The following CSNK1A1 variants were observed in gnomAD, a reference collection of about 807,000 sequenced individuals.
CSNK1A1 encodes the protein casein kinase I isoform alpha.
A neutral mutation model predicts 46.1 loss-of-function variants in CSNK1A1; 7 were observed. The observed-to-expected ratio is 0.15, with a 90% CI of 0.09 to 0.29. The LOEUF is 0.29. Ranked by LOEUF, CSNK1A1 falls within the 10% of genes least tolerant of loss-of-function variation. The probability of loss-of-function intolerance (pLI) is 1.00; values close to 1 mark genes in which losing one functional copy is unlikely to be tolerated. For missense variants in CSNK1A1, 96 were observed against 417.1 expected, an observed-to-expected ratio of 0.23 and a Z score of 6.71; for synonymous variants, 137 against 141.5, an observed-to-expected ratio of 0.97 and a Z score of 0.23.
chr5:149,522,981 A>T (rs2113121470), intron 3 of CSNK1A1, among the ~76,000 whole-genome samples: 1 of 152,302 alleles, frequency 6.6e-6, no homozygotes, highest in African/African-American at 2.4e-5. Flanking sequence ...GAACAAACAA[A>T]AACATAAGCC....
intron 2 of CSNK1A1, among the ~76,000 whole-genome samples, chr5:149,548,502 G>A (rs766858997): frequency 6.6e-6 from 1 of 152,106 alleles, no homozygotes; most frequent in South Asian, 2.1e-4. Context: ...GGGAGGCGGA[G>A]GCTGCAGTTA....
chr5:149,503,060 C>T (rs568403065), intron 9 of CSNK1A1: 78 of 985,288 alleles, frequency 7.9e-5, no homozygotes, highest in Admixed American at 1.2e-4. Flanking sequence ...GCCACTGCAC[C>T]CAGCTGAGTT....
chr5:149,500,135 AT>A (rs1193702653), intron 9 of CSNK1A1, among the ~76,000 whole-genome samples: 2,920 of 106,310 alleles, frequency 0.027, 96 homozygotes, highest in African/African-American at 0.084. Context: ...CGCCCAGCTA[AT>A]TTTTTTTTTT....
chr5:149,542,659 TATATATATATATGTATATATATATATA>T (rs1762327716), intron 2 of CSNK1A1, among the ~76,000 whole-genome samples: 1 of 18,552 alleles, frequency 5.4e-5, no homozygotes, highest in South Asian at 2.2e-3. Context: ...TATATATATA[TATATATATATATGTATATATATATATA>T]TATATATTTT....
intron 4 of CSNK1A1, 41 bp downstream of exon 4, chr5:149,520,249 C>CT (rs766661150): frequency 1.6e-6 from 2 of 1,285,470 alleles, no homozygotes; most frequent in Admixed American, 2.0e-5. Flanking sequence ...CTTGTCGAAA[C>CT]TTTACTCTTT....
intron 7 of CSNK1A1, among the ~76,000 whole-genome samples, chr5:149,508,088 A>G (rs1005674501): frequency 6.6e-6 from 1 of 152,204 alleles, no homozygotes; most frequent in South Asian, 2.1e-4. Context: ...GGAGAGTGGT[A>G]AAGTTAAAGG....
chr5:149,500,216 C>T (rs1454543726), intron 9 of CSNK1A1, among the ~76,000 whole-genome samples: 1 of 150,822 alleles, frequency 6.6e-6, no homozygotes, highest in African/African-American at 2.4e-5. Flanking sequence ...TGGCTCACTG[C>T]AAGCTCCGCC....
intron 9 of CSNK1A1, chr5:149,497,516 A>G (rs1760690609): frequency 1.0e-6 from 1 of 985,380 alleles, no homozygotes; most frequent in African/African-American, 1.7e-5. Context: ...TCCCTCCTCC[A>G]CCACAAGTAG....
intron 3 of CSNK1A1, among the ~76,000 whole-genome samples, chr5:149,524,125 A>G (rs1312345462): frequency 6.6e-6 from 1 of 152,228 alleles, no homozygotes; most frequent in Admixed American, 6.5e-5. Flanking sequence ...AAGTGATAAA[A>G]CAAATAACCT....
intron 8 of CSNK1A1, 66 bp from the exon 9 acceptor site, chr5:149,505,661 CT>C: frequency 1.5e-6 from 2 of 1,327,828 alleles, no homozygotes; most frequent in African/African-American, 1.5e-5. Flanking sequence ...AACCTACTAA[CT>C]TTTTAAGACA....
At chr5:149,511,995 C>A in intron 5 of CSNK1A1, 123 bp from the exon 6 acceptor site, 2 of 670,184 alleles carry the variant, frequency 3.0e-6, no homozygotes, top group African/African-American at 1.9e-5. Context: ...GTGTCTTACG[C>A]AAGAAGCTAC....
chr5:149,551,175 T>A lies in CSNK1A1; in HGVS notation c.-211A>T, dbSNP rs999568807. ...GGTTTCTTTTTGCCAGGCCGCAGTT[T>A]GTGAAGGGCTTCTCGGCGGTTACCA... On this transcript the variant is annotated 5_prime_UTR_variant, in exon 1 of 10. Transcript: ENST00000377843. The A allele has an allele frequency of 3.6e-5, 16 of 442,210 alleles. No individual in the cohort carries two copies. Among genetic ancestry groups the A allele is most frequent in the Non-Finnish European group, 5.7e-5 (14 of 247,022 alleles). 27.4% of individuals were successfully genotyped at this position (442,210 alleles called of 1,614,324 possible).
intron 9 of CSNK1A1, chr5:149,497,289 AGCTTT>A: frequency 1.0e-6 from 1 of 990,878 alleles, no homozygotes. Context: ...TAAAACGGTT[AGCTTT>A]AATAATAAAT....
At chr5:149,541,970 CAAA>C (rs1171466150) in intron 2 of CSNK1A1, among the ~76,000 whole-genome samples, 3 of 40,040 alleles carry the variant, frequency 7.5e-5, no homozygotes, top group Admixed American at 3.1e-4. Context: ...GACTGCATCT[CAAA>C]AAAAAAAAAA....
At chr5:149,539,904 A>C (rs1762177424) in intron 2 of CSNK1A1, among the ~76,000 whole-genome samples, 1 of 152,248 alleles carries the variant, frequency 6.6e-6, no homozygotes, top group Non-Finnish European at 1.5e-5. Flanking sequence ...TGTAATGATT[A>C]AATGAGACCG....
At chr5:149,521,523 G>A (rs2113117397) in intron 3 of CSNK1A1, among the ~76,000 whole-genome samples, 1 of 152,110 alleles carries the variant, frequency 6.6e-6, no homozygotes, top group East Asian at 1.9e-4. Context: ...CTGGGTTCAG[G>A]AGATCCTCCT....
Position 149,507,435 on chromosome 5 carries a change from A to T in CSNK1A1, c.751-302T>A, listed in dbSNP as rs147011541. ...CATAGCCCACTTGTTAAAACCTGTC[A>T]TTTTATCAAAGTCGCGCCTCTTCGT... On this transcript the variant is annotated intron_variant, in intron 7 of 9. Transcript: ENST00000377843. Among the ~76,000 whole-genome samples the T allele has an allele frequency of 6.8e-3, 1,025 of 150,586 alleles. 16 individuals carry two copies. Among genetic ancestry groups the T allele is most frequent in the African/African-American group, 0.024 (976 of 41,088 alleles).
intron 2 of CSNK1A1, among the ~76,000 whole-genome samples, chr5:149,539,003 A>G (rs754485497): frequency 2.0e-5 from 3 of 152,128 alleles, no homozygotes; most frequent in Non-Finnish European, 4.4e-5. Context: ...TACTTGGCAC[A>G]ATAAGAAACA....
At chr5:149,510,555 G>A (rs962804566) in intron 6 of CSNK1A1, among the ~76,000 whole-genome samples, 4 of 152,072 alleles carry the variant, frequency 2.6e-5, no homozygotes, top group Non-Finnish European at 5.9e-5. Flanking sequence ...ATAGCTCGCT[G>A]TAGCCTCGAA....
Sources: allele counts gnomAD v4.1 joint callset (sites outside exome capture counted in the v4.1 genomes callset), GRCh38; gene constraint gnomAD v4.1.1; transcripts MANE v1.5; gene names NCBI Gene and HGNC (gene_info 2026-07-23, HGNC 2026-07-21).